Variants in TBX15 observed in about 807,000 individuals in gnomAD.
TBX15 encodes the protein T-box transcription factor 15, also known as T-box transcription factor TBX15.
A neutral mutation model predicts 53.9 loss-of-function variants in TBX15; 18 were observed. The observed-to-expected ratio is 0.33, with a 90% CI of 0.23 to 0.49. The LOEUF (loss-of-function observed/expected upper bound fraction) is 0.49, where lower values mean the gene tolerates loss of function less well. Ranked by LOEUF, TBX15 falls within the 20% of genes least tolerant of loss-of-function variation. The pLI, the probability that TBX15 is intolerant of heterozygous loss-of-function variation, is 0.98. For missense variants in TBX15, 692 were observed against 749.5 expected (o/e 0.92, Z 0.90); for synonymous variants, 295 against 278.0 (o/e 1.06, Z -0.61).
chr1:118,963,583 A>G (rs1656947442), intron 1 of TBX15, among the ~76,000 whole-genome samples: 1 of 152,216 alleles, frequency 6.6e-6, no homozygotes. Context: ...TAGCCATGGC[A>G]ATATTGGAAG....
intron 1 of TBX15, among the ~76,000 whole-genome samples, chr1:118,978,234 ATCTC>A (rs934322335): frequency 9.2e-5 from 14 of 152,232 alleles, no homozygotes; most frequent in East Asian, 5.8e-4. Context: ...AGCTCTAAAA[ATCTC>A]TCTCTTTTAT....
intron 1 of TBX15, among the ~76,000 whole-genome samples, chr1:118,966,016 T>C (rs1657023884): frequency 6.6e-6 from 1 of 152,210 alleles, no homozygotes; most frequent in African/African-American, 2.4e-5. Context: ...TTTATGCTTC[T>C]CACTGTTCAT....
chr1:118,936,251 C>T (rs369517449), intron 1 of TBX15, among the ~76,000 whole-genome samples: 2 of 152,094 alleles, frequency 1.3e-5, no homozygotes, highest in East Asian at 1.9e-4. Context: ...AAAAGCGAAC[C>T]AACTACAATA....
At chr1:118,960,159 G>A (rs1212449688) in intron 1 of TBX15, among the ~76,000 whole-genome samples, 1 of 152,128 alleles carries the variant, frequency 6.6e-6, no homozygotes, top group Non-Finnish European at 1.5e-5. Context: ...CGGGATGGGG[G>A]ACCCCCTGGC....
chr1:118,985,526 A>G (rs36064738), intron 1 of TBX15, among the ~76,000 whole-genome samples: 15,813 of 152,200 alleles, frequency 0.1, 919 homozygotes, highest in Non-Finnish European at 0.13. Context: ...ATCGTTAAGA[A>G]AGGCTTAGCC....
chr1:118,942,597 A>G (rs140126652), intron 1 of TBX15, among the ~76,000 whole-genome samples: 1 of 152,282 alleles, frequency 6.6e-6, no homozygotes, highest in African/African-American at 2.4e-5. Context: ...CATAACCTGA[A>G]CTATTGGAAT....
chr1:118,988,545 A>G (rs1657924705), upstream of TBX15, among the ~76,000 whole-genome samples: 1 of 152,104 alleles, frequency 6.6e-6, no homozygotes, highest in Non-Finnish European at 1.5e-5. Flanking sequence ...TTACTCCAAG[A>G]GGGAGGTAGG....
chr1:118,932,397 AG>A (rs1335431087), intron 1 of TBX15, among the ~76,000 whole-genome samples: 2 of 152,232 alleles, frequency 1.3e-5, no homozygotes, highest in Non-Finnish European at 2.9e-5. Context: ...GATCTTTAGA[AG>A]TACTTTGTCA....
intron 7 of TBX15, among the ~76,000 whole-genome samples, chr1:118,893,812 G>A (rs1001190158): frequency 6.6e-6 from 1 of 152,106 alleles, no homozygotes; most frequent in African/African-American, 2.4e-5. Flanking sequence ...TAGTCCCTAT[G>A]ATACAGAACC....
intron 6 of TBX15, among the ~76,000 whole-genome samples, chr1:118,910,415 T>C (rs1480154531): frequency 1.3e-5 from 2 of 151,870 alleles, no homozygotes; most frequent in Non-Finnish European, 2.9e-5. Flanking sequence ...ATTTTTGTTG[T>C]TGTTGTTGTT....
chr1:118,925,361 G>A (rs1655559352), intron 3 of TBX15, among the ~76,000 whole-genome samples: 1 of 152,172 alleles, frequency 6.6e-6, no homozygotes, highest in Non-Finnish European at 1.5e-5. Flanking sequence ...TAAGAATCTG[G>A]ACTTTGAGGC....
At chr1:118,940,765 T>A (rs990675281) in intron 1 of TBX15, among the ~76,000 whole-genome samples, 1 of 151,822 alleles carries the variant, frequency 6.6e-6, no homozygotes, top group Non-Finnish European at 1.5e-5. Flanking sequence ...GGGCCCCGAC[T>A]TTTCTAAAAC....
intron 1 of TBX15, among the ~76,000 whole-genome samples, chr1:118,945,062 G>A (rs377134898): frequency 2.3e-4 from 35 of 152,286 alleles, no homozygotes; most frequent in African/African-American, 6.3e-4. Flanking sequence ...CTTGCAATAC[G>A]TAGCAGGGGA....
rs61693622 is a variant in TBX15, at chr1:118,906,023, T to G, written c.927-6898A>C. On this transcript the variant is annotated intron_variant, in intron 6 of 7. Coordinates refer to ENST00000369429, the MANE Select transcript of TBX15 (RefSeq NM_001330677.2). ...TCTGAAAGCTAATACCTCATGGTGT[T>G]CAGTCTTACCATCAGTAAAATGGGA... 8.4e-3 allele frequency among the ~76,000 whole-genome samples: 1,274 copies of G among 152,272 alleles called. 18 individuals are homozygous for G. Among genetic ancestry groups the G allele is most frequent in the African/African-American group, 0.029 (1,186 of 41,554 alleles).
Position 118,931,720 on chromosome 1 carries a change from G to T in TBX15, c.318C>A (p.Ala106=). The T allele has an allele frequency of 6.2e-7, 1 of 1,614,016 alleles. No individual in the cohort carries two copies. The highest frequency in any genetic ancestry group is 1.1e-5 in the South Asian group (1 of 91,060). Residue 106 remains alanine, a synonymous_variant, in exon 2 of 8, where the codon GCC becomes GCA. Transcript: ENST00000369429. ...CCTGAATCTCCTCCATGGAAGACAT[G>T]GCAGCAGGCACAGGGCCTGCAGCAC... ...ASGAAGPVPA[A]MSSMEEIQVE... is the part of the protein sequence containing the mutation.
At chr1:118,957,112 CT>C (rs1275923877) in intron 1 of TBX15, among the ~76,000 whole-genome samples, 2 of 152,128 alleles carry the variant, frequency 1.3e-5, no homozygotes, top group Non-Finnish European at 2.9e-5. Context: ...GAAAATTATA[CT>C]TGGCTACTGA....
chr1:118,899,715 G>A (rs889034933), intron 6 of TBX15, among the ~76,000 whole-genome samples: 16 of 152,190 alleles, frequency 1.1e-4, no homozygotes, highest in African/African-American at 3.9e-4. Flanking sequence ...TGAAGATAAA[G>A]AAAGGGCTTG....
At chr1:118,946,085 TA>T (rs1419274841) in intron 1 of TBX15, among the ~76,000 whole-genome samples, 2 of 152,084 alleles carry the variant, frequency 1.3e-5, no homozygotes, top group African/African-American at 2.4e-5. Context: ...ATAGCATCTT[TA>T]AAAAAATAAG....
intron 7 of TBX15, among the ~76,000 whole-genome samples, chr1:118,887,672 A>T (rs1455360794): frequency 2.4e-4 from 21 of 88,666 alleles, no homozygotes; most frequent in African/African-American, 1.4e-3. Flanking sequence ...CAAAACTCTC[A>T]AAAAAAAAAA....
Sources: gnomAD v4.1 joint callset for allele counts (sites outside exome capture counted in the v4.1 genomes callset) on GRCh38, gnomAD v4.1.1 for gene constraint, MANE v1.5 for transcripts, NCBI Gene and HGNC (gene_info 2026-07-23, HGNC 2026-07-21) for gene names.